The following SCIN variants were observed in gnomAD, a reference collection of about 807,000 sequenced individuals.
The protein encoded by SCIN is scinderin.
A neutral mutation model predicts 91.8 loss-of-function variants in SCIN; 91 were observed. The observed-to-expected ratio is 0.99, with a 90% CI of 0.84 to 1.18. SCIN has a LOEUF of 1.18. SCIN is among the 50% of genes most tolerant of loss of function. The pLI, the probability that SCIN is intolerant of heterozygous loss-of-function variation, is 0.00. For missense variants in SCIN, 1,087 were observed against 863.9 expected, an observed-to-expected ratio of 1.26 and a Z score of -3.24; for synonymous variants, 367 against 312.6, an observed-to-expected ratio of 1.17 and a Z score of -1.84.
Position 12,658,760 on chromosome 7 carries a change from A to G in SCIN, c.*6045A>G, listed in dbSNP as rs1583331226. ...TCAAGGTATTAATATACATCCTATCATTTATTTTAGATACAGATAGCATTA... is the reference window on the plus strand; with the variant it reads ...TCAAGGTATTAATATACATCCTATCGTTTATTTTAGATACAGATAGCATTA... On this transcript the variant is annotated 3_prime_UTR_variant, in exon 16 of 16. Coordinates refer to ENST00000297029, the MANE Select transcript of SCIN (RefSeq NM_001112706.3). 1 of 152,116 alleles carries G rather than the reference A, an allele frequency of 6.6e-6. No homozygotes were observed. The highest frequency in any genetic ancestry group is 1.5e-5 in the Non-Finnish European group (1 of 68,024). 9.4% of individuals were successfully genotyped at this position (152,116 alleles called of 1,614,324 possible). A position where few individuals can be genotyped will look rare whatever the true frequency, so the allele number is the denominator to read the frequency against.
At chr7:12,608,308 T>G (rs6978454) in intron 4 of SCIN, among the ~76,000 whole-genome samples, 48 of 138,170 alleles carry the variant, frequency 3.5e-4, no homozygotes, top group Non-Finnish European at 6.1e-4. Context: ...GTCTATACTA[T>G]GCATGCACAC....
At chr7:12,629,316 A>G in intron 9 of SCIN, 94 bp downstream of exon 9, 2 of 1,189,600 alleles carry the variant, frequency 1.7e-6, no homozygotes, top group East Asian at 5.1e-5. Flanking sequence ...GAATAATCCT[A>G]TAATCATCCC....
At chr7:12,592,650 A>G (rs1029554362) in intron 3 of SCIN, among the ~76,000 whole-genome samples, 1 of 152,036 alleles carries the variant, frequency 6.6e-6, no homozygotes, top group Non-Finnish European at 1.5e-5. Flanking sequence ...GACTTTGGCT[A>G]AAAGGTCTCA....
intron 3 of SCIN, among the ~76,000 whole-genome samples, chr7:12,600,752 G>C (rs1417171597): frequency 6.6e-6 from 1 of 152,148 alleles, no homozygotes; most frequent in Non-Finnish European, 1.5e-5. Context: ...AGAATCACCT[G>C]AGGAGCTTTT....
chr7:12,641,026 C>T (rs975777937), intron 11 of SCIN, among the ~76,000 whole-genome samples: 10 of 152,242 alleles, frequency 6.6e-5, no homozygotes, highest in African/African-American at 2.2e-4. Flanking sequence ...GATAAGAAGA[C>T]CTCCAGGTAT....
At chr7:12,608,318 C>G (rs1412475697) in intron 4 of SCIN, among the ~76,000 whole-genome samples, 1 of 71,634 alleles carries the variant, frequency 1.4e-5, no homozygotes, top group African/African-American at 5.6e-5. Flanking sequence ...TGCATGCACA[C>G]ATGCACACAC....
chr7:12,593,264 A>C (rs1782764889), intron 3 of SCIN, among the ~76,000 whole-genome samples: 1 of 152,132 alleles, frequency 6.6e-6, no homozygotes, highest in Non-Finnish European at 1.5e-5. Flanking sequence ...CCACTGCTGG[A>C]AGCTGGTATT....
intron 4 of SCIN, among the ~76,000 whole-genome samples, chr7:12,613,442 G>A (rs971254034): frequency 3.9e-5 from 6 of 152,126 alleles, no homozygotes; most frequent in Non-Finnish European, 1.5e-5. Context: ...GCCCAGATAC[G>A]AAAATGTTAA....
intron 11 of SCIN, among the ~76,000 whole-genome samples, chr7:12,640,968 C>T (rs887575132): frequency 6.6e-6 from 1 of 152,176 alleles, no homozygotes; most frequent in African/African-American, 2.4e-5. Context: ...GCCCCATGAG[C>T]TGTTTCTGAC....
intron 3 of SCIN, among the ~76,000 whole-genome samples, chr7:12,591,774 G>T (rs1015578848): frequency 6.6e-6 from 1 of 152,124 alleles, no homozygotes. Flanking sequence ...GAGGGTGGGG[G>T]TAGATTTTCT....
At chr7:12,640,627 C>T in intron 11 of SCIN, 110 bp downstream of exon 11, 1 of 956,692 alleles carries the variant, frequency 1.0e-6, no homozygotes, top group Admixed American at 3.9e-5. Context: ...TCCCTTCATT[C>T]CTATAATTAA....
At chr7:12,575,678 G>A (rs777088322) in intron 1 of SCIN, among the ~76,000 whole-genome samples, 4 of 151,930 alleles carry the variant, frequency 2.6e-5, no homozygotes, top group Admixed American at 2.0e-4. Flanking sequence ...AAAATAACAC[G>A]GCACAGCATA....
chr7:12,615,961 A>G (rs1783290502), intron 4 of SCIN, among the ~76,000 whole-genome samples: 1 of 152,166 alleles, frequency 6.6e-6, no homozygotes, highest in South Asian at 2.1e-4. Context: ...AAGATGAGAT[A>G]AAATTAAACA....
intron 3 of SCIN, among the ~76,000 whole-genome samples, chr7:12,599,612 G>A (rs1342664364): frequency 1.3e-5 from 2 of 152,072 alleles, no homozygotes; most frequent in Non-Finnish European, 2.9e-5. Context: ...TTCCATAGTG[G>A]TCGTTAGTAG....
chr7:12,578,388 G>A lies in SCIN; in HGVS notation c.354+170G>A, dbSNP rs78219961. ...ATCCCCAGTACCTGCTGGATACAAA[G>A]TAGGTGTTCAATAAATGTTTGTGAA... is the stretch of plus-strand genomic sequence containing the variant. On this transcript the variant is annotated intron_variant, in intron 2 of 15. Transcript: ENST00000297029. 7.2e-3 allele frequency among the ~76,000 whole-genome samples: 1,096 copies of A among 152,278 alleles called. 41 individuals are homozygous for A. The East Asian group carries it at 0.11, about 15-fold the overall frequency.
intron 8 of SCIN, among the ~76,000 whole-genome samples, chr7:12,628,675 C>A (rs758323780): frequency 6.6e-6 from 1 of 151,830 alleles, no homozygotes; most frequent in Non-Finnish European, 1.5e-5. Context: ...CAAGTTTTGC[C>A]TGGGAAAATA....
intron 3 of SCIN, chr7:12,595,844 A>T (rs1444044843): frequency 6.6e-6 from 1 of 152,468 alleles, no homozygotes; most frequent in Non-Finnish European, 1.5e-5. Context: ...ATGTCTAAAG[A>T]TGCTGGACAA....
intron 9 of SCIN, among the ~76,000 whole-genome samples, chr7:12,629,946 C>T (rs944158710): frequency 9.2e-5 from 14 of 151,788 alleles, no homozygotes; most frequent in African/African-American, 2.9e-4. Flanking sequence ...ATTGCTAAGA[C>T]GGCTGGAAAA....
intron 4 of SCIN, among the ~76,000 whole-genome samples, chr7:12,610,835 A>G (rs1459652776): frequency 6.6e-6 from 1 of 152,186 alleles, no homozygotes; most frequent in Non-Finnish European, 1.5e-5. Flanking sequence ...TTAGTGCAAT[A>G]CTGTCCCACA....
Sources: gnomAD v4.1 joint callset for allele counts (sites outside exome capture counted in the v4.1 genomes callset) on GRCh38, gnomAD v4.1.1 for gene constraint, MANE v1.5 for transcripts, NCBI Gene and HGNC (gene_info 2026-07-23, HGNC 2026-07-21) for gene names.